PARD3: variants seen among roughly 807,000 people sequenced by gnomAD.
The protein encoded by PARD3 is par-3 family cell polarity regulator.
PARD3 carries 75 observed loss-of-function variants against 155.4 expected under a neutral mutation model. The ratio of observed to expected loss-of-function variants is 0.48; its 90% CI spans 0.40 to 0.58. The LOEUF (loss-of-function observed/expected upper bound fraction) is 0.58, where lower values mean the gene tolerates loss of function less well. Ranked by LOEUF, PARD3 falls within the 20% of genes least tolerant of loss-of-function variation. PARD3 has a pLI of 0.00. For synonymous variants in PARD3, 576 were observed against 610.5 expected, an observed-to-expected ratio of 0.94 and a Z score of 0.83; for missense variants, 1,642 against 1,721.7, an observed-to-expected ratio of 0.95 and a Z score of 0.82.
chr10:34,752,362 G>C (rs1433730273), intron 1 of PARD3, among the ~76,000 whole-genome samples: 1 of 151,832 alleles, frequency 6.6e-6, no homozygotes, highest in Non-Finnish European at 1.5e-5. Context: ...ACCTTAATGA[G>C]ACAACTTGAA....
At chr10:34,767,519 A>C (rs761944273) in intron 1 of PARD3, among the ~76,000 whole-genome samples, 30 of 152,028 alleles carry the variant, frequency 2.0e-4, no homozygotes, top group African/African-American at 6.0e-4. Context: ...TAATTGAGCT[A>C]ATGAGAGGTT....
chr10:34,431,141 G>T (rs2075877538), intron 5 of PARD3, among the ~76,000 whole-genome samples: 2 of 152,282 alleles, frequency 1.3e-5, no homozygotes, highest in East Asian at 3.9e-4. Context: ...CAGTTAATAA[G>T]TATGATGCTG....
At chr10:34,398,707 C>T (rs1369053378) in intron 7 of PARD3, among the ~76,000 whole-genome samples, 1 of 152,052 alleles carries the variant, frequency 6.6e-6, no homozygotes, top group East Asian at 1.9e-4. Context: ...AGTCCTTTCA[C>T]ACATAAAAAG....
chr10:34,424,711 C>T (rs556299693), intron 5 of PARD3, among the ~76,000 whole-genome samples: 11 of 152,038 alleles, frequency 7.2e-5, no homozygotes, highest in Non-Finnish European at 1.3e-4. Context: ...GACGGGGTTT[C>T]GTCATGTTGC....
intron 1 of PARD3, among the ~76,000 whole-genome samples, chr10:34,740,454 A>C (rs1008655699): frequency 5.3e-5 from 8 of 152,224 alleles, no homozygotes; most frequent in African/African-American, 1.9e-4. Flanking sequence ...GCAGTAGCAC[A>C]AGACAACTTC....
intron 19 of PARD3, among the ~76,000 whole-genome samples, chr10:34,323,417 A>G (rs915444686): frequency 2.6e-5 from 4 of 152,106 alleles, no homozygotes; most frequent in Non-Finnish European, 5.9e-5. Context: ...GGTGAGAATA[A>G]TAACTGATAT....
At chr10:34,449,520 G>A (rs1483563099) in intron 5 of PARD3, among the ~76,000 whole-genome samples, 1 of 151,220 alleles carries the variant, frequency 6.6e-6, no homozygotes, top group Non-Finnish European at 1.5e-5. Flanking sequence ...GTTAATGGGT[G>A]CAGCACACCA....
At chr10:34,658,145 CAAA>C (rs1165780902) in intron 2 of PARD3, among the ~76,000 whole-genome samples, 2 of 101,684 alleles carry the variant, frequency 2.0e-5, no homozygotes. Flanking sequence ...GACTCCGTCT[CAAA>C]AAAAAAAAAA....
chr10:34,589,662 A>G (rs1230851825), intron 2 of PARD3, among the ~76,000 whole-genome samples: 2 of 142,604 alleles, frequency 1.4e-5, no homozygotes, highest in African/African-American at 5.2e-5. Flanking sequence ...AAAAAAACCA[A>G]GCATGTCAAA....
rs201237623 is a variant in PARD3 at position 34,745,436 on chromosome 10, GAGAGAGGGAA to G, written c.121-49027_121-49018del. 1.3e-3 allele frequency among the ~76,000 whole-genome samples: 170 copies of G among 132,070 alleles called. 1 individual carries two copies. Among genetic ancestry groups the G allele is most frequent in the African/African-American group, 3.0e-3 (110 of 36,906 alleles). 86.6% of individuals were successfully genotyped at this position (132,070 alleles called of 152,430 possible). A position where few individuals can be genotyped will look rare whatever the true frequency, so the allele number is the denominator to read the frequency against. On this transcript the variant is annotated intron_variant, in intron 1 of 24. Transcript: ENST00000374788. ...AGAGGGAGGAAGGGAGGGAGGGAAA[GAGAGAGGGAA>G]AGAGAGAGAAAGAGAGAGGGAAAGA...
chr10:34,552,003 C>T (rs2084618739), intron 2 of PARD3, among the ~76,000 whole-genome samples: 1 of 152,184 alleles, frequency 6.6e-6, no homozygotes, highest in African/African-American at 2.4e-5. Context: ...AGGAAGATTC[C>T]ACATAATAGT....
chr10:34,170,738 A>C (rs1441368539), intron 22 of PARD3, among the ~76,000 whole-genome samples: 1 of 152,216 alleles, frequency 6.6e-6, no homozygotes, highest in African/African-American at 2.4e-5. Flanking sequence ...GTCACAACAA[A>C]AGAGGATTAT....
chr10:34,758,430 C>T (rs1356762251), intron 1 of PARD3, among the ~76,000 whole-genome samples: 1 of 152,116 alleles, frequency 6.6e-6, no homozygotes, highest in African/African-American at 2.4e-5. Flanking sequence ...AAAGTCTTTC[C>T]ACTCCACCAC....
chr10:34,143,275 C>CA (rs1286794849), intron 22 of PARD3, among the ~76,000 whole-genome samples: 1 of 151,592 alleles, frequency 6.6e-6, no homozygotes, highest in Non-Finnish European at 1.5e-5. Context: ...CGTGCCACCG[C>CA]ACCCCAGCCT....
chr10:34,379,965 T>C (rs1288504763), intron 9 of PARD3, among the ~76,000 whole-genome samples: 2 of 152,094 alleles, frequency 1.3e-5, no homozygotes, highest in Non-Finnish European at 2.9e-5. Context: ...ATTCCAGTTT[T>C]TGAAGAACTG....
At position 34,436,823 on chromosome 10, in the gene PARD3, A is replaced by G. The variant is rs143909304; in HGVS notation, c.714+13494T>C. On this transcript the variant is annotated intron_variant, in intron 5 of 24. Coordinates refer to ENST00000374788, the MANE Select transcript of PARD3 (RefSeq NM_001184785.2). ...GCCAAGCTATATTAAGAAAAAAAAA[A>G]TCAAAGCACAGGATACTGTAGTAGT... Among the ~76,000 whole-genome samples the G allele has an allele frequency of 5.1e-3, 779 of 152,300 alleles. 7 individuals carry two copies. The highest frequency in any genetic ancestry group is 0.018 in the African/African-American group (751 of 41,570).
intron 1 of PARD3, among the ~76,000 whole-genome samples, chr10:34,740,648 C>T (rs970008631): frequency 2.6e-5 from 4 of 152,054 alleles, no homozygotes; most frequent in Admixed American, 2.6e-4. Flanking sequence ...TGTTTTAAGG[C>T]TTCCAAAGGC....
chr10:34,748,930 C>T (rs893900540), intron 1 of PARD3, among the ~76,000 whole-genome samples: 5 of 152,166 alleles, frequency 3.3e-5, no homozygotes, highest in Admixed American at 6.5e-5. Flanking sequence ...CCCAGAGTGC[C>T]CCTGGGCCAC....
At chr10:34,749,933 G>A (rs962474137) in intron 1 of PARD3, among the ~76,000 whole-genome samples, 1 of 151,796 alleles carries the variant, frequency 6.6e-6, no homozygotes, top group Non-Finnish European at 1.5e-5. Context: ...GAGGTGGGAG[G>A]ATCCCTTGAG....
Sources: gnomAD v4.1 joint callset for allele counts (sites outside exome capture counted in the v4.1 genomes callset) on GRCh38, gnomAD v4.1.1 for gene constraint, MANE v1.5 for transcripts, NCBI Gene and HGNC (gene_info 2026-07-23, HGNC 2026-07-21) for gene names.